Variants in RIMS2 observed in about 807,000 individuals in gnomAD.
The protein encoded by RIMS2 is regulating synaptic membrane exocytosis 2, also known as regulating synaptic membrane exocytosis protein 2.
In RIMS2, 59 loss-of-function variants were observed where a neutral mutation model predicts 174.4. The ratio of observed to expected loss-of-function variants is 0.34; its 90% CI spans 0.27 to 0.42. The LOEUF (loss-of-function observed/expected upper bound fraction) is 0.42, where lower values mean the gene tolerates loss of function less well. RIMS2 is among the 10% of genes least tolerant of loss of function. The pLI, the probability that RIMS2 is intolerant of heterozygous loss-of-function variation, is 1.00. For missense variants in RIMS2, 1,620 were observed against 1,666.3 expected (o/e 0.97, Z 0.48); for synonymous variants, 606 against 572.5 (o/e 1.06, Z -0.84).
At chr8:103,991,280 C>A (rs1413539807) in intron 17 of RIMS2, among the ~76,000 whole-genome samples, 1 of 151,514 alleles carries the variant, frequency 6.6e-6, no homozygotes, top group African/African-American at 2.4e-5. Flanking sequence ...CACAATTCCT[C>A]TTAATTGTGA....
intron 1 of RIMS2, among the ~76,000 whole-genome samples, chr8:103,677,968 A>G (rs1486515425): frequency 2.0e-5 from 3 of 152,206 alleles, no homozygotes; most frequent in Non-Finnish European, 2.9e-5. Context: ...AGTGATAGTT[A>G]CAAGAGTAGG....
intron 19 of RIMS2, among the ~76,000 whole-genome samples, chr8:104,206,310 A>T (rs1437439048): frequency 6.6e-6 from 1 of 152,186 alleles, no homozygotes; most frequent in Non-Finnish European, 1.5e-5. Context: ...AATTATAGTT[A>T]ATATAAATTC....
chr8:103,996,889 A>G (rs973958988), intron 17 of RIMS2, among the ~76,000 whole-genome samples: 2 of 151,922 alleles, frequency 1.3e-5, no homozygotes, highest in African/African-American at 2.4e-5. Flanking sequence ...GAACTGAACT[A>G]TAAGTTAAAT....
chr8:103,604,030 T>C (rs993098744), intron 1 of RIMS2, among the ~76,000 whole-genome samples: 5 of 150,304 alleles, frequency 3.3e-5, no homozygotes, highest in African/African-American at 9.8e-5. Flanking sequence ...ATTTTGTCTT[T>C]TGTTGCCATT....
intron 2 of RIMS2, among the ~76,000 whole-genome samples, chr8:103,710,612 G>T (rs2097292119): frequency 6.6e-6 from 1 of 152,108 alleles, no homozygotes; most frequent in African/African-American, 2.4e-5. Flanking sequence ...AAGCGTCAGA[G>T]TGTGGCAACT....
chr8:103,788,861 TC>T (rs1243588549), intron 3 of RIMS2, among the ~76,000 whole-genome samples: 2 of 151,054 alleles, frequency 1.3e-5, no homozygotes, highest in African/African-American at 2.4e-5. Context: ...CGGGCGCCCC[TC>T]CCCCAGCCTC....
intron 4 of RIMS2, among the ~76,000 whole-genome samples, chr8:103,895,500 T>C (rs1429084379): frequency 1.3e-5 from 2 of 151,508 alleles, no homozygotes; most frequent in Non-Finnish European, 2.9e-5. Flanking sequence ...AATTCCATCA[T>C]GAAGACTCCA....
At chr8:103,915,975 C>A (rs1180499134) in intron 7 of RIMS2, among the ~76,000 whole-genome samples, 1 of 151,730 alleles carries the variant, frequency 6.6e-6, no homozygotes, top group Admixed American at 6.6e-5. Context: ...TTGGAGAAAT[C>A]CTTGAGTACC....
At chr8:103,892,204 A>T (rs941204794) in intron 4 of RIMS2, among the ~76,000 whole-genome samples, 3 of 147,076 alleles carry the variant, frequency 2.0e-5, no homozygotes, top group African/African-American at 7.5e-5. Context: ...CTAGATAACA[A>T]TTTTTTTTTT....
chr8:104,102,236 C>A (rs1272240829), intron 19 of RIMS2, among the ~76,000 whole-genome samples: 1 of 152,142 alleles, frequency 6.6e-6, no homozygotes, highest in African/African-American at 2.4e-5. Context: ...CCTCACCAAA[C>A]CAGCAGCCAA....
At chr8:104,176,082 A>G (rs2098890571) in intron 19 of RIMS2, among the ~76,000 whole-genome samples, 2 of 152,104 alleles carry the variant, frequency 1.3e-5, no homozygotes, top group Admixed American at 1.3e-4. Flanking sequence ...CAGGAATTAT[A>G]ACAATCTCGA....
chr8:103,982,196 A>G (rs1435596796), intron 16 of RIMS2, among the ~76,000 whole-genome samples: 1 of 152,090 alleles, frequency 6.6e-6, no homozygotes, highest in African/African-American at 2.4e-5. Flanking sequence ...ATTGGGCCAC[A>G]AAGAAACCCA....
chr8:103,550,721 A>G (rs183325784), intron 1 of RIMS2, among the ~76,000 whole-genome samples: 51 of 152,190 alleles, frequency 3.4e-4, no homozygotes, highest in African/African-American at 1.2e-3. Context: ...AAGACTAATA[A>G]AGAAGAAAAG....
rs559113597 is a variant in RIMS2, at chr8:103,589,446, A to G, written c.176+88384A>G. 8.6e-5 allele frequency among the ~76,000 whole-genome samples: 13 copies of G among 151,670 alleles called. No homozygotes were observed. The South Asian group carries it at 2.3e-3, about 27-fold the overall frequency. On this transcript the variant is annotated intron_variant, in intron 1 of 23. Coordinates refer to ENST00000504942, the Ensembl canonical transcript of RIMS2. ...AGCAATAAGAAATGCTGACGAGGAT[A>G]TGAAGAAAAGGGAACCCTTGTACAC...
At chr8:103,570,114 T>C (rs1413346404) in intron 1 of RIMS2, among the ~76,000 whole-genome samples, 1 of 152,208 alleles carries the variant, frequency 6.6e-6, no homozygotes, top group East Asian at 1.9e-4. Context: ...ACACATCCTT[T>C]AGAACTGCAT....
chr8:103,923,250 C>A lies in RIMS2; in HGVS notation c.2196+1466C>A, dbSNP rs899190097. Among the ~76,000 whole-genome samples the A allele has an allele frequency of 2.6e-5, 4 of 151,512 alleles. No homozygotes were observed. The East Asian group carries it at 7.7e-4, about 29-fold the overall frequency. On this transcript the variant is annotated intron_variant, in intron 10 of 23. Transcript: ENST00000504942. The stretch of plus-strand genomic sequence containing the variant: ...TTTTTGGGGCTGGATGATCCCAGTC[C>A]ATAAATAAAACTGTGTGTGTGTGTG...
chr8:104,153,317 AT>A (rs1314518788), intron 19 of RIMS2, among the ~76,000 whole-genome samples: 1 of 152,186 alleles, frequency 6.6e-6, no homozygotes, highest in African/African-American at 2.4e-5. Context: ...TATATTAAAT[AT>A]GGACTCTTTA....
At chr8:103,764,196 G>A (rs915783795) in intron 2 of RIMS2, among the ~76,000 whole-genome samples, 3 of 152,152 alleles carry the variant, frequency 2.0e-5, no homozygotes, top group African/African-American at 7.2e-5. Context: ...AGCAGCAAAT[G>A]CTGTTTCTGC....
intron 19 of RIMS2, among the ~76,000 whole-genome samples, chr8:104,140,977 A>AT (rs949356404): frequency 6.6e-6 from 1 of 152,208 alleles, no homozygotes. Flanking sequence ...AAAAATCATA[A>AT]TTTTTGGGTA....
Sources: gnomAD v4.1 joint callset for allele counts (sites outside exome capture counted in the v4.1 genomes callset) on GRCh38, gnomAD v4.1.1 for gene constraint, MANE v1.5 for transcripts, NCBI Gene and HGNC (gene_info 2026-07-23, HGNC 2026-07-21) for gene names.